RBFOX1: variants seen among roughly 807,000 people sequenced by gnomAD.
RBFOX1 encodes the protein RNA binding fox-1 homolog 1, also known as RNA binding protein fox-1 homolog 1.
A neutral mutation model predicts 57.7 loss-of-function variants in RBFOX1; 8 were observed. The observed-to-expected ratio is 0.14, with a 90% CI of 0.08 to 0.25. The LOEUF (loss-of-function observed/expected upper bound fraction) is 0.25, where lower values mean the gene tolerates loss of function less well. Among genes scored for constraint, RBFOX1 ranks in the 10% least tolerant of loss-of-function variants. The probability of loss-of-function intolerance (pLI) is 1.00; values close to 1 mark genes in which losing one functional copy is unlikely to be tolerated. For synonymous variants in RBFOX1, 326 were observed against 222.4 expected (o/e 1.47, Z -4.15); for missense variants, 611 against 548.5 (o/e 1.11, Z -1.14).
chr16:6,929,106 G>A (rs1437180575), intron 3 of RBFOX1, among the ~76,000 whole-genome samples: 2 of 152,080 alleles, frequency 1.3e-5, no homozygotes, highest in African/African-American at 4.8e-5. Flanking sequence ...TAATTCACAG[G>A]CCCACATTGC....
At chr16:7,647,389 G>A (rs1004823147) in intron 11 of RBFOX1, among the ~76,000 whole-genome samples, 4 of 152,158 alleles carry the variant, frequency 2.6e-5, no homozygotes, top group African/African-American at 9.7e-5. Flanking sequence ...TAAGGCTTCA[G>A]AAGGAATCTC....
intron 3 of RBFOX1, among the ~76,000 whole-genome samples, chr16:6,950,139 G>A (rs1181284861): frequency 1.7e-5 from 2 of 114,808 alleles, no homozygotes; most frequent in African/African-American, 7.6e-5. Flanking sequence ...TTTTTTTTAA[G>A]TAGCCATGGG....
At chr16:5,565,652 A>ATAAATAAG (rs1000261022) in intron 2 of RBFOX1, among the ~76,000 whole-genome samples, 2 of 151,164 alleles carry the variant, frequency 1.3e-5, no homozygotes, top group Admixed American at 1.3e-4. Context: ...AAATAAATAA[A>ATAAATAAG]TAAATAAATA....
At chr16:6,816,235 G>A (rs986132432) in intron 3 of RBFOX1, among the ~76,000 whole-genome samples, 3 of 152,106 alleles carry the variant, frequency 2.0e-5, no homozygotes, top group African/African-American at 7.2e-5. Context: ...CTTCAGTACT[G>A]GAGTTCAAGA....
intron 3 of RBFOX1, among the ~76,000 whole-genome samples, chr16:5,614,685 C>A (rs1411975569): frequency 2.6e-5 from 4 of 152,206 alleles, no homozygotes; most frequent in Admixed American, 6.5e-5. Flanking sequence ...ACCCCTACCC[C>A]CTGTACATAT....
chr16:6,789,527 A>C (rs1032380277), intron 3 of RBFOX1, among the ~76,000 whole-genome samples: 14 of 152,224 alleles, frequency 9.2e-5, no homozygotes, highest in African/African-American at 3.1e-4. Context: ...CTGGTTGTGC[A>C]AATTTAAGCA....
chr16:6,846,160 A>G lies in RBFOX1; in HGVS notation c.-16+191510A>G, dbSNP rs116883075. ...CTTGTTGCCTAGCCCAGAGCTGCTT[A>G]CACGGTGGCCCATCCAATAAATATT... On this transcript the variant is annotated intron_variant, in intron 3 of 15. Coordinates refer to ENST00000550418, the MANE Select transcript of RBFOX1 (RefSeq NM_018723.4). 3.9e-3 allele frequency among the ~76,000 whole-genome samples: 593 copies of G among 152,312 alleles called. 4 individuals are homozygous for G. Among genetic ancestry groups the G allele is most frequent in the Middle Eastern group, 0.02 (6 of 294 alleles).
At chr16:5,900,636 C>G (rs2058284285) in intron 4 of RBFOX1, among the ~76,000 whole-genome samples, 1 of 152,216 alleles carries the variant, frequency 6.6e-6, no homozygotes. Flanking sequence ...GCCCAGCAAT[C>G]TGTTTCTGTC....
chr16:7,171,443 T>C (rs540566421), intron 4 of RBFOX1, among the ~76,000 whole-genome samples: 84 of 152,350 alleles, frequency 5.5e-4, no homozygotes, highest in Non-Finnish European at 1.0e-3. Flanking sequence ...CTGGTTGCTT[T>C]ATGTATGTGT....
At chr16:5,648,716 T>C (rs907039753) in intron 3 of RBFOX1, among the ~76,000 whole-genome samples, 2 of 152,166 alleles carry the variant, frequency 1.3e-5, no homozygotes, top group African/African-American at 4.8e-5. Flanking sequence ...TTATTGAGGA[T>C]ATGGAGTTAG....
intron 14 of RBFOX1, among the ~76,000 whole-genome samples, chr16:7,708,263 T>C (rs1297241164): frequency 2.0e-5 from 3 of 152,074 alleles, no homozygotes; most frequent in East Asian, 1.9e-4. Flanking sequence ...AAAAGTTAAC[T>C]TCCAGATATT....
chr16:6,666,314 A>T (rs1450604407), intron 3 of RBFOX1, among the ~76,000 whole-genome samples: 1 of 152,134 alleles, frequency 6.6e-6, no homozygotes, highest in African/African-American at 2.4e-5. Context: ...CGGGCGGATC[A>T]CCTGAGGTCA....
chr16:7,144,417 C>CTTCTTCTTTTTT (rs3046798), intron 4 of RBFOX1, among the ~76,000 whole-genome samples: 26 of 66,922 alleles, frequency 3.9e-4, no homozygotes, highest in African/African-American at 1.6e-3. Flanking sequence ...TTTCTTTCTT[C>CTTCTTCTTTTTT]TTTTTTTTTT....
chr16:6,757,825 A>G (rs1021112704), intron 3 of RBFOX1, among the ~76,000 whole-genome samples: 1 of 152,180 alleles, frequency 6.6e-6, no homozygotes, highest in African/African-American at 2.4e-5. Flanking sequence ...GAAATGACAA[A>G]TGTTTGAGGT....
intron 4 of RBFOX1, among the ~76,000 whole-genome samples, chr16:5,907,721 TATCATCATCATCATC>T (rs34447124): frequency 2.4e-4 from 35 of 146,220 alleles, no homozygotes; most frequent in Middle Eastern, 6.9e-3. Context: ...GGAGACTATT[TATCATCATCATCATC>T]ATCATCATCA....
chr16:7,661,470 C>T (rs756727400), intron 12 of RBFOX1, among the ~76,000 whole-genome samples: 8 of 152,272 alleles, frequency 5.3e-5, no homozygotes, highest in Admixed American at 6.5e-5. Context: ...TCCTCTCTAC[C>T]GAGCCAAGGC....
At chr16:6,235,624 A>G (rs2097500318) in intron 1 of RBFOX1, among the ~76,000 whole-genome samples, 1 of 151,804 alleles carries the variant, frequency 6.6e-6, no homozygotes, top group Non-Finnish European at 1.5e-5. Flanking sequence ...ATACATATAT[A>G]TATACTTACA....
chr16:6,742,063 G>A (rs977179150), intron 3 of RBFOX1, among the ~76,000 whole-genome samples: 14 of 152,130 alleles, frequency 9.2e-5, no homozygotes, highest in African/African-American at 3.4e-4. Flanking sequence ...ATTCTACAGT[G>A]TATACATTTT....
chr16:7,682,510 T>C (rs906344605), intron 14 of RBFOX1, among the ~76,000 whole-genome samples: 1 of 151,974 alleles, frequency 6.6e-6, no homozygotes, highest in Non-Finnish European at 1.5e-5. Flanking sequence ...TGTGCCATTT[T>C]TGATGGTGCT....
Sources: allele counts gnomAD v4.1 joint callset (sites outside exome capture counted in the v4.1 genomes callset), GRCh38; gene constraint gnomAD v4.1.1; transcripts MANE v1.5; gene names NCBI Gene and HGNC (gene_info 2026-07-23, HGNC 2026-07-21).